ZNF286A: variants seen among roughly 807,000 people sequenced by gnomAD.
The protein encoded by ZNF286A is zinc finger protein ZNF286.
ZNF286A carries 34 observed loss-of-function variants against 49.3 expected under a neutral mutation model. The ratio of observed to expected loss-of-function variants is 0.69; its 90% CI spans 0.52 to 0.92. ZNF286A has a LOEUF of 0.92. Among genes scored for constraint, ZNF286A ranks in the 40% least tolerant of loss-of-function variants. The probability of loss-of-function intolerance (pLI) is 0.00; values close to 1 mark genes in which losing one functional copy is unlikely to be tolerated. For synonymous variants in ZNF286A, 155 were observed against 200.4 expected (o/e 0.77, Z 1.91); for missense variants, 462 against 600.2 (o/e 0.77, Z 2.41).
chr17:15,709,836 T>C (rs1990521459), intron 5 of ZNF286A: 1 of 1,547,732 alleles, frequency 6.5e-7, no homozygotes, highest in East Asian at 2.5e-5. Flanking sequence ...GATCATCCTT[T>C]TTTTGATTCC....
chr17:15,705,499 CA>C (rs538384284), intron 3 of ZNF286A, among the ~76,000 whole-genome samples: 4 of 152,042 alleles, frequency 2.6e-5, no homozygotes, highest in Non-Finnish European at 4.4e-5. Flanking sequence ...AGCCATGTGG[CA>C]TTTTTTTTCC....
At chr17:15,700,985 C>T (rs1010169752) in intron 2 of ZNF286A, among the ~76,000 whole-genome samples, 167 bp from the exon 3 acceptor site, 15 of 144,874 alleles carry the variant, frequency 1.0e-4, no homozygotes, top group Non-Finnish European at 3.0e-5. Flanking sequence ...GCAATATTCC[C>T]GCATATCCCG....
intron 5 of ZNF286A, chr17:15,709,967 T>G (rs1339755794): frequency 1.3e-5 from 19 of 1,481,556 alleles, no homozygotes; most frequent in Non-Finnish European, 1.7e-5. Context: ...GACTTGTTAA[T>G]TTTTGTCAAT....
At position 15,716,101 on chromosome 17, in the gene ZNF286A, A is replaced by G; in HGVS notation, c.377A>G (p.Gln126Arg). ...CAGAGCAAGGATTCAACTTCAGTGC[A>G]AGATTTTTCCAAAGCAGAATCATGC... ...RPQSKDSTSV[Q>R]DFSKAESCKV... The change falls in exon 6 of 6, where the codon CAA becomes CGA. Residue 126 changes from glutamine to arginine, a missense_variant. Around this residue, in one of 3 missense-constraint regions of ZNF286A, gnomAD observed 259 missense variants for 272.2 expected, o/e 0.95. Transcript: ENST00000583566. 6.2e-7 allele frequency: 1 copy of G among 1,613,888 alleles called. No homozygotes were observed. The highest frequency in any genetic ancestry group is 8.5e-7 in the Non-Finnish European group (1 of 1,179,810).
chr17:15,702,510 CAAAAAAAA>C (rs36114462), intron 3 of ZNF286A, among the ~76,000 whole-genome samples: 5 of 101,866 alleles, frequency 4.9e-5, no homozygotes, highest in African/African-American at 1.6e-4. Context: ...GAAACTGTCT[CAAAAAAAA>C]AAAAAAAAAG....
chr17:15,705,510 CTATTT>C (rs1453128724), intron 3 of ZNF286A, among the ~76,000 whole-genome samples: 1 of 151,594 alleles, frequency 6.6e-6, no homozygotes, highest in African/African-American at 2.4e-5. Context: ...ATTTTTTTTC[CTATTT>C]TATTTCATTA....
Position 15,716,679 on chromosome 17 carries a change from A to G in ZNF286A, c.955A>G (p.Ile319Val), listed in dbSNP as rs1967075361. The change falls in exon 6 of 6, where the codon ATT becomes GTT. Residue 319 changes from isoleucine to valine, a missense_variant. By Grantham distance (29) the Ile-to-Val change is conservative. Transcript: ENST00000583566. ...ESSSLATHQR[I>V]HVGERPYECN... ...CTCATCCCTTGCAACACATCAGAGA[A>G]TTCACGTTGGAGAGAGACCTTATGA... 1 of 1,613,934 alleles carries G rather than the reference A, an allele frequency of 6.2e-7. No homozygotes were observed. The highest frequency in any genetic ancestry group is 8.5e-7 in the Non-Finnish European group (1 of 1,179,948).
At chr17:15,703,624 C>T (rs780902722) in intron 3 of ZNF286A, among the ~76,000 whole-genome samples, 21 of 152,222 alleles carry the variant, frequency 1.4e-4, no homozygotes, top group East Asian at 3.9e-4. Flanking sequence ...TGTATTCAGA[C>T]ATATGGTATA....
rs149952794 is a variant in ZNF286A at position 15,706,488 on chromosome 17, C to A, written c.228C>A (p.Asn76Lys). The A allele has an allele frequency of 4.2e-5, 67 of 1,603,992 alleles. 1 individual carries two copies. The highest frequency in any genetic ancestry group is 1.7e-4 in the Middle Eastern group (1 of 6,014). ...QRDVMLENYR[N>K]LVSLWLPVSK... ...ATGTGATGCTGGAGAACTATAGGAA[C>A]CTAGTCTCACTTTGTAAGAATGGAT... Residue 76 changes from asparagine (N) to lysine (K), a missense_variant, in exon 4 of 6, where the codon AAC becomes AAA. Asn to Lys is a moderately conservative substitution (Grantham distance 94). Transcript: ENST00000583566.
intron 3 of ZNF286A, among the ~76,000 whole-genome samples, chr17:15,705,638 AG>A (rs1990174056): frequency 6.6e-6 from 1 of 152,218 alleles, no homozygotes; most frequent in Non-Finnish European, 1.5e-5. Context: ...ATGTTTAAAC[AG>A]TAGGTGTTTT....
rs1348687169 is a variant in ZNF286A at position 15,699,928 on chromosome 17, A to T, written c.-196+151A>T. 1.5e-5 allele frequency: 10 copies of T among 653,718 alleles called. No individual in the cohort carries two copies. In the East Asian group the frequency reaches 2.7e-4, roughly 18 times the overall value. The allele number at this position is 653,718 out of a possible 1,614,324, so 40.5% of individuals were successfully genotyped here. A position where few individuals can be genotyped will look rare whatever the true frequency, so the allele number is the denominator to read the frequency against. On this transcript the variant is annotated intron_variant, in intron 1 of 5. Coordinates refer to ENST00000583566, the MANE Select transcript of ZNF286A (RefSeq NM_001130842.2). Reference sequence around the variant, plus strand: ...CCCTGTCCCTTCTCACTCTGGCCTGATCCTCTCCTCGGGGGACGCGGTTGT... The same window carrying T: ...CCCTGTCCCTTCTCACTCTGGCCTGTTCCTCTCCTCGGGGGACGCGGTTGT...
chr17:15,711,458 G>A (rs1990640812), intron 5 of ZNF286A: 1 of 151,694 alleles, frequency 6.6e-6, no homozygotes, highest in African/African-American at 2.4e-5. Context: ...CCTTCCTTTT[G>A]TATACCTGGA....
chr17:15,708,094 C>T, intron 4 of ZNF286A, 61 bp from the exon 5 acceptor site: 2 of 1,242,448 alleles, frequency 1.6e-6, no homozygotes, highest in Non-Finnish European at 1.1e-6. Context: ...AGAAAACTTC[C>T]ACAAATAACT....
At chr17:15,704,257 T>C in intron 3 of ZNF286A, 1 of 1,605,786 alleles carries the variant, frequency 6.2e-7, no homozygotes, top group South Asian at 1.1e-5. Context: ...CGCCCGCTTC[T>C]TGTCCGTCTT....
chr17:15,706,384 T>C lies in ZNF286A; in HGVS notation c.127-3T>C. On this transcript the variant is annotated splice_polypyrimidine_tract_variant and splice_region_variant and intron_variant, in intron 3 of 5. Transcript: ENST00000583566. ...ATGTTGAAAAAAATATTTTATGTTT[T>C]AGGAAACAGTGACATTCAAGGATGT... The C allele has an allele frequency of 3.1e-6, 5 of 1,611,666 alleles. No individual in the cohort carries two copies. Among genetic ancestry groups the C allele is most frequent in the Non-Finnish European group, 4.2e-6 (5 of 1,177,958 alleles).
intron 4 of ZNF286A, among the ~76,000 whole-genome samples, chr17:15,707,094 TG>T (rs534760735): frequency 6.6e-6 from 1 of 152,172 alleles, no homozygotes; most frequent in African/African-American, 2.4e-5. Context: ...GTATGAGGGG[TG>T]GAGGGGACTG....
At chr17:15,704,705 G>C (rs1990070593) in intron 3 of ZNF286A, 4 of 1,613,740 alleles carry the variant, frequency 2.5e-6, no homozygotes, top group Non-Finnish European at 8.5e-7. Flanking sequence ...TCCTTCCCCA[G>C]CAGGAGTTTC....
At chr17:15,704,072 T>TA (rs1567703727) in intron 3 of ZNF286A, among the ~76,000 whole-genome samples, 3 of 146,804 alleles carry the variant, frequency 2.0e-5, no homozygotes, top group African/African-American at 7.4e-5. Context: ...TATTATTTTT[T>TA]TTTTTTTGCT....
At chr17:15,702,475 A>G (rs966990518) in intron 3 of ZNF286A, among the ~76,000 whole-genome samples, 25 of 151,444 alleles carry the variant, frequency 1.7e-4, no homozygotes, top group African/African-American at 6.1e-4. Context: ...AGATAGGGCT[A>G]CTGCACTCCA....
Sources: gnomAD v4.1 joint callset for allele counts (sites outside exome capture counted in the v4.1 genomes callset) on GRCh38, gnomAD v4.1.1 for gene constraint, gnomAD v4.1.1 regional missense constraint, MANE v1.5 for transcripts, NCBI Gene and HGNC (gene_info 2026-07-23, HGNC 2026-07-21) for gene names.